Variants in PEG3 observed in about 807,000 individuals in gnomAD.
PEG3 encodes the protein paternally expressed 3.
PEG3 carries 23 observed loss-of-function variants against 35.5 expected under a neutral mutation model. The ratio of observed to expected loss-of-function variants is 0.65; its 90% CI spans 0.47 to 0.92. The LOEUF is 0.92. PEG3 is among the 40% of genes least tolerant of loss of function. The pLI is 0.00. For missense variants in PEG3, 1,960 were observed against 1,985.3 expected, an observed-to-expected ratio of 0.99 and a Z score of 0.24; for synonymous variants, 707 against 697.0, an observed-to-expected ratio of 1.01 and a Z score of -0.23.
chr19:56,814,462 C>G lies in PEG3; in HGVS notation c.3980G>C (p.Gly1327Ala). 6.2e-7 allele frequency: 1 copy of G among 1,613,882 alleles called. No individual in the cohort carries two copies. Among genetic ancestry groups the G allele is most frequent in the South Asian group, 1.1e-5 (1 of 91,076 alleles). ...HTSFLTEPLK[G>A]AIPFYECKDC... ...CTTGCATTCATAGAATGGTATAGCT[C>G]CTTTGAGGGGCTCAGTAAGAAATGA... Residue 1327 changes from glycine to alanine, a missense_variant, in exon 10 of 10, where the codon GGA becomes GCA. Gly to Ala is a moderately conservative substitution (Grantham distance 60). This residue lies in a region of PEG3 where 416 missense variants were observed against 416.7 expected (regional missense o/e 1.00). Coordinates refer to ENST00000326441, the MANE Select transcript of PEG3 (RefSeq NM_006210.3). This position sits in a 1 kb window ranked among gnomAD's most constrained non-coding sequence, Gnocchi z 5.8.
rs766518038 is a variant in PEG3, at chr19:56,817,458, C to T, written c.984G>A (p.Ser328=). The T allele has an allele frequency of 3.2e-5, 51 of 1,613,822 alleles. 2 individuals carry two copies. In the Admixed American group the frequency reaches 3.7e-4, roughly 12 times the overall value. ...GGTCGCTTGACTCCCTTGCTCTTCC[C>T]GATTTGGAACTGCGTGACACATCCT... The part of the protein sequence containing the change: ...FIKDVSRSSK[S]GRARESSDRS... The change falls in exon 10 of 10, where the codon TCG becomes TCA. Residue 328 remains serine, a synonymous_variant. Coordinates refer to ENST00000326441, the MANE Select transcript of PEG3 (RefSeq NM_006210.3).
chr19:56,822,630 G>C (rs1288337720), intron 6 of PEG3, 123 bp downstream of exon 6: 6 of 1,364,086 alleles, frequency 4.4e-6, no homozygotes, highest in Admixed American at 4.4e-5. Flanking sequence ...TAAACTTTTG[G>C]GGAAGCGGAA....
In PEG3 at chr19:56,812,581, G is replaced by A. The variant is rs2059609661; in HGVS notation, c.*1094C>T. ...AGCTGATGCTGCACAGGGGACCCAA[G>A]CCATGTTGCTACTTGTCACTTAAGG... On this transcript the variant is annotated 3_prime_UTR_variant, in exon 10 of 10. Transcript: ENST00000326441. The A allele has an allele frequency of 1.0e-6, 1 of 985,796 alleles. No homozygotes were observed. The highest frequency in any genetic ancestry group is 1.7e-5 in the African/African-American group (1 of 57,356). 61.1% of individuals were successfully genotyped at this position (985,796 alleles called of 1,614,324 possible).
rs1600981448 is a variant in PEG3 at position 56,818,661 on chromosome 19, G to C, written c.711C>G (p.Asp237Glu). 1.2e-6 allele frequency: 2 copies of C among 1,614,158 alleles called. No individual in the cohort carries two copies. The highest frequency in any genetic ancestry group is 4.5e-5 in the East Asian group (2 of 44,870). Residue 237 changes from aspartate (D) to glutamate (E), a missense_variant, in exon 8 of 10, where the codon GAC becomes GAG. Asp to Glu is a conservative substitution (Grantham distance 45). Around this residue, in one of 5 missense-constraint regions of PEG3, gnomAD observed 613 missense variants for 577.1 expected, o/e 1.06. Transcript: ENST00000326441. Reference sequence around the variant, plus strand: ...CCTGGATTGTGTTGTGAGGTTTCCTGTCCTCAGCGAGGTCCACCACATTTT... The same window carrying C: ...CCTGGATTGTGTTGTGAGGTTTCCTCTCCTCAGCGAGGTCCACCACATTTT... Reference protein sequence around the residue: ...SYQNVVDLAEDRKPHNTIQDN... With the variant: ...SYQNVVDLAEERKPHNTIQDN...
rs775074097 is a variant in PEG3, at chr19:56,816,871, C to T, written c.1571G>A (p.Arg524Gln). The change falls in exon 10 of 10, where the codon CGG becomes CAG. Residue 524 changes from arginine to glutamine, a missense_variant. By Grantham distance (43) the Arg-to-Gln change is conservative (BLOSUM62 1). This residue lies in a region of PEG3 where 798 missense variants were observed against 782.4 expected (regional missense o/e 1.02). Coordinates refer to ENST00000326441, the MANE Select transcript of PEG3 (RefSeq NM_006210.3). ...AAGATAACCTCTAGCATGAATCTTCCGATGTTCAGCCAAGGCGGCACTCTT... is the reference window on the plus strand; with the variant it reads ...AAGATAACCTCTAGCATGAATCTTCTGATGTTCAGCCAAGGCGGCACTCTT... ...FNKSAALAEH[R>Q]KIHARGYLVE... 4.3e-6 allele frequency: 7 copies of T among 1,614,094 alleles called. No homozygotes were observed. Among genetic ancestry groups the T allele is most frequent in the South Asian group, 2.2e-5 (2 of 91,076 alleles).
At chr19:56,837,869 C>A (rs1312020349) in intron 1 of PEG3, among the ~76,000 whole-genome samples, 1 of 152,120 alleles carries the variant, frequency 6.6e-6, no homozygotes, top group Non-Finnish European at 1.5e-5. Flanking sequence ...ATGGACGGGG[C>A]TCACGCTCAC....
At chr19:56,823,821 T>A in intron 4 of PEG3, 142 bp from the exon 5 acceptor site, 1 of 989,150 alleles carries the variant, frequency 1.0e-6, no homozygotes, top group Non-Finnish European at 1.5e-6. Context: ...TTCAAAACCC[T>A]TCAGCGGCTT....
chr19:56,818,581 G>A lies in PEG3; in HGVS notation c.772+19C>T. The A allele has an allele frequency of 6.2e-7, 1 of 1,613,728 alleles. No homozygotes were observed. Among genetic ancestry groups the A allele is most frequent in the Non-Finnish European group, 8.5e-7 (1 of 1,179,710 alleles). On this transcript the variant is annotated intron_variant, in intron 8 of 9. Coordinates refer to ENST00000326441, the MANE Select transcript of PEG3 (RefSeq NM_006210.3). Reference sequence around the variant, plus strand: ...TCCAATGACTGGACTGGGAGTGACTGAGAGAAGCAGCTGCTTACCGAGGGA... The same window carrying A: ...TCCAATGACTGGACTGGGAGTGACTAAGAGAAGCAGCTGCTTACCGAGGGA...
chr19:56,817,706 T>C, intron 9 of PEG3, 40 bp downstream of exon 9: 2 of 1,579,970 alleles, frequency 1.3e-6, no homozygotes, highest in Non-Finnish European at 1.7e-6. Context: ...AGCATCTCAC[T>C]GGTTGTGTGG....
chr19:56,822,365 G>A (rs1431528741), intron 6 of PEG3: 1 of 196,760 alleles, frequency 5.1e-6, no homozygotes, highest in Admixed American at 5.5e-5. Flanking sequence ...TAACACTGCA[G>A]GAAGTCATGG....
In PEG3 at chr19:56,814,480, A is replaced by T. The variant is rs1407635164; in HGVS notation, c.3962T>A (p.Leu1321His). 1 of 1,613,880 alleles carries T rather than the reference A, an allele frequency of 6.2e-7. No individual in the cohort carries two copies. Among genetic ancestry groups the T allele is most frequent in the East Asian group, 2.2e-5 (1 of 44,888 alleles). ...YGSSYTHTSF[L>H]TEPLKGAIPF... Reference sequence around the variant, plus strand: ...TATAGCTCCTTTGAGGGGCTCAGTAAGAAATGAGGTGTGAGTATAGGAGGA... The same window carrying T: ...TATAGCTCCTTTGAGGGGCTCAGTATGAAATGAGGTGTGAGTATAGGAGGA... The change falls in exon 10 of 10, where the codon CTT (leucine) becomes CAT (histidine). Residue 1321 changes from leucine to histidine, a missense_variant. Physicochemically the swap from Leu to His is moderately conservative, Grantham distance 99. This residue lies in a region of PEG3 where 416 missense variants were observed against 416.7 expected (regional missense o/e 1.00). Transcript: ENST00000326441. The surrounding 1 kb of genome is among the most constrained non-coding windows in gnomAD (Gnocchi z 5.8).
intron 2 of PEG3, among the ~76,000 whole-genome samples, chr19:56,834,847 G>A (rs1226454344): frequency 6.6e-6 from 1 of 152,122 alleles, no homozygotes; most frequent in African/African-American, 2.4e-5. Flanking sequence ...TTTCCATTCA[G>A]TAGACACTGA....
intron 2 of PEG3, among the ~76,000 whole-genome samples, chr19:56,835,569 T>A (rs2062009493): frequency 6.6e-6 from 1 of 152,242 alleles, no homozygotes; most frequent in African/African-American, 2.4e-5. Context: ...TGCTAGCAGA[T>A]GTTCTCTTGC....
At chr19:56,833,151 C>T (rs1464123024) in intron 2 of PEG3, 2 of 517,228 alleles carry the variant, frequency 3.9e-6, no homozygotes, top group East Asian at 5.5e-5. Flanking sequence ...CCTGTGACTC[C>T]GGTTTGGCCT....
chr19:56,833,382 TC>T (rs1260499451), intron 2 of PEG3: 1 of 351,258 alleles, frequency 2.8e-6, no homozygotes, highest in Non-Finnish European at 5.6e-6. Flanking sequence ...GTGTGTGGTC[TC>T]GTCTCTCTTC....
At position 56,816,969 on chromosome 19, in the gene PEG3, A is replaced by C; in HGVS notation, c.1473T>G (p.Ala491=). 1 of 1,614,208 alleles carries C rather than the reference A, an allele frequency of 6.2e-7. No homozygotes were observed. The highest frequency in any genetic ancestry group is 1.1e-5 in the South Asian group (1 of 91,086). The change falls in exon 10 of 10, where the codon GCT becomes GCG. Residue 491 remains alanine, a synonymous_variant. Transcript: ENST00000326441. The part of the protein sequence containing the change: ...EYGESFIHSV[A]VSEVQKSQVG... ...CCTGACTTTTCTGAACTTCACTGAC[A>C]GCCACACTGTGGATAAAGGACTCAC...
intron 7 of PEG3, 99 bp from the exon 8 acceptor site, chr19:56,818,801 T>C (rs977856018): frequency 9.8e-5 from 133 of 1,361,276 alleles, no homozygotes; most frequent in Non-Finnish European, 1.3e-4. Context: ...TATGAAGTTA[T>C]ATAGGAAGTG....
chr19:56,827,911 A>T (rs941612507), intron 2 of PEG3, among the ~76,000 whole-genome samples: 1 of 152,228 alleles, frequency 6.6e-6, no homozygotes, highest in Non-Finnish European at 1.5e-5. Flanking sequence ...AATGATGACT[A>T]ATCGCAATTG....
At position 56,813,377 on chromosome 19, in the gene PEG3, G is replaced by C; in HGVS notation, c.*298C>G. ...CACAAGTGTCATTTACAGTTGATTT[G>C]GGCAAACTCTGTAGTCTGGAATACT... On this transcript the variant is annotated 3_prime_UTR_variant, in exon 10 of 10. Coordinates refer to ENST00000326441, the MANE Select transcript of PEG3 (RefSeq NM_006210.3). The C allele has an allele frequency of 8.5e-7, 1 of 1,175,196 alleles. No homozygotes were observed. Among genetic ancestry groups the C allele is most frequent in the Non-Finnish European group, 1.1e-6 (1 of 948,492 alleles). The allele number at this position is 1,175,196 out of a possible 1,614,324, so 72.8% of individuals were successfully genotyped here.
Sources: gnomAD v4.1 joint callset for allele counts (sites outside exome capture counted in the v4.1 genomes callset) on GRCh38, gnomAD v4.1.1 for gene constraint, gnomAD v4.1.1 regional missense constraint, Gnocchi (gnomAD v3.1) non-coding constraint, MANE v1.5 for transcripts, NCBI Gene and HGNC (gene_info 2026-07-23, HGNC 2026-07-21) for gene names.